The following CACNA1B variants were observed in gnomAD, a reference collection of about 807,000 sequenced individuals.
The protein encoded by CACNA1B is calcium voltage-gated channel subunit alpha1 B.
CACNA1B carries 70 observed loss-of-function variants against 247.2 expected under a neutral mutation model. The observed-to-expected ratio is 0.28, with a 90% confidence interval of 0.23 to 0.35. The LOEUF (loss-of-function observed/expected upper bound fraction) is 0.35, where lower values mean the gene tolerates loss of function less well. CACNA1B is among the 10% of genes least tolerant of loss of function. The probability of loss-of-function intolerance (pLI) is 1.00; values close to 1 mark genes in which losing one functional copy is unlikely to be tolerated. For synonymous variants in CACNA1B, 1,231 were observed against 1,294.4 expected (o/e 0.95, Z 1.05); for missense variants, 2,367 against 3,197.4 (o/e 0.74, Z 6.26).
chr9:138,056,336 A>G (rs1427451787), intron 26 of CACNA1B, among the ~76,000 whole-genome samples: 1 of 152,216 alleles, frequency 6.6e-6, no homozygotes, highest in Non-Finnish European at 1.5e-5. Context: ...ATGATACAAT[A>G]TGTGGTCTTT....
At chr9:138,097,152 T>C (rs910133668) in intron 37 of CACNA1B, among the ~76,000 whole-genome samples, 6 of 151,868 alleles carry the variant, frequency 4.0e-5, no homozygotes, top group African/African-American at 1.5e-4. Context: ...CTGCATATAG[T>C]GTGGGTGCTT....
chr9:138,093,975 G>A (rs1198209560), intron 36 of CACNA1B, among the ~76,000 whole-genome samples: 1 of 152,142 alleles, frequency 6.6e-6, no homozygotes, highest in African/African-American at 2.4e-5. Context: ...GTCCACACAT[G>A]CTCATAGCAG....
rs150496046 is a variant in CACNA1B at position 137,954,856 on chromosome 9, TTGTGTG to T, written c.1071-823_1071-818del. Among the ~76,000 whole-genome samples, 3 of 120,946 alleles carry T rather than the reference TTGTGTG, an allele frequency of 2.5e-5. 1 individual carries two copies. The highest frequency in any genetic ancestry group is 5.7e-4 in the South Asian group (2 of 3,488). 79.3% of individuals were successfully genotyped at this position (120,946 alleles called of 152,430 possible). A position where few individuals can be genotyped will look rare whatever the true frequency, so the allele number is the denominator to read the frequency against. ...ACACCCACTCCACCAACTCAGAAGC[TTGTGTG>T]TGTGTGTGTGTGTGTGTGAGAGAGA... On this transcript the variant is annotated intron_variant, in intron 7 of 46. Transcript: ENST00000371372. This position sits in a 1 kb window ranked among gnomAD's most constrained non-coding sequence, Gnocchi z 4.1.
chr9:137,939,182 A>G (rs933937776), intron 6 of CACNA1B, among the ~76,000 whole-genome samples: 2 of 152,200 alleles, frequency 1.3e-5, no homozygotes, highest in African/African-American at 2.4e-5. Context: ...GTCAACAAAG[A>G]AACAGTGAAT....
intron 20 of CACNA1B, chr9:138,040,772 G>A (rs1959110068): frequency 1.6e-5 from 3 of 183,222 alleles, no homozygotes; most frequent in African/African-American, 4.8e-5. Flanking sequence ...GCCTTCCGCA[G>A]CCCACTGACT....
At chr9:138,113,843 G>A (rs1451131118) in intron 40 of CACNA1B, among the ~76,000 whole-genome samples, 1 of 144,046 alleles carries the variant, frequency 6.9e-6, no homozygotes, top group African/African-American at 2.7e-5. Flanking sequence ...ACTCCATCTT[G>A]TGGGAGACGT....
rs572642401 is a variant in CACNA1B, at chr9:137,930,853, G to T, written c.966+13422G>T. Reference sequence around the variant, plus strand: ...TTATATACATGTTTCCCTGTGTCTCGGGTAATTTTGTTTTACTGGGAGGTT... The same window carrying T: ...TTATATACATGTTTCCCTGTGTCTCTGGTAATTTTGTTTTACTGGGAGGTT... On this transcript the variant is annotated intron_variant, in intron 6 of 46. Coordinates refer to ENST00000371372, the MANE Select transcript of CACNA1B (RefSeq NM_000718.4). Among the ~76,000 whole-genome samples, 752 of 151,754 alleles carry T rather than the reference G, an allele frequency of 5.0e-3. 5 individuals carry two copies. Among genetic ancestry groups the T allele is most frequent in the Non-Finnish European group, 7.6e-3 (518 of 67,938 alleles).
intron 6 of CACNA1B, among the ~76,000 whole-genome samples, chr9:137,923,372 A>G (rs1388403527): frequency 6.7e-6 from 1 of 149,442 alleles, no homozygotes; most frequent in African/African-American, 2.5e-5. Flanking sequence ...TCCAGGTGGT[A>G]TTCCGTGGCA....
chr9:138,044,635 A>G (rs1002700744), intron 21 of CACNA1B, among the ~76,000 whole-genome samples: 1 of 152,200 alleles, frequency 6.6e-6, no homozygotes, highest in Non-Finnish European at 1.5e-5. Flanking sequence ...GAGGAGGCAG[A>G]GGGAGAGGCA....
At chr9:137,879,368 G>A (rs1450164181) in intron 2 of CACNA1B, among the ~76,000 whole-genome samples, 1 of 152,254 alleles carries the variant, frequency 6.6e-6, no homozygotes, top group Admixed American at 6.5e-5. Flanking sequence ...GCGTGGCCAC[G>A]TTAGCCCTGG....
At chr9:138,041,329 C>G (rs1488048887) in intron 20 of CACNA1B, among the ~76,000 whole-genome samples, 1 of 152,162 alleles carries the variant, frequency 6.6e-6, no homozygotes. Context: ...CCATCGCATG[C>G]TGTTAGGGGG....
chr9:137,885,074 C>T (rs1389129603), intron 3 of CACNA1B, among the ~76,000 whole-genome samples: 2 of 146,760 alleles, frequency 1.4e-5, no homozygotes, highest in Non-Finnish European at 3.0e-5. Flanking sequence ...TTCTTCTGCC[C>T]CTCTTTCCCT....
At chr9:137,989,740 A>T (rs1958410531) in intron 15 of CACNA1B, among the ~76,000 whole-genome samples, 1 of 152,208 alleles carries the variant, frequency 6.6e-6, no homozygotes, top group Admixed American at 6.5e-5. Context: ...ACTTTCAGAC[A>T]CAAATAGGAG....
In CACNA1B at chr9:138,031,557, A is replaced by G. The variant is rs530916906; in HGVS notation, c.3286+6385A>G. On this transcript the variant is annotated intron_variant, in intron 20 of 46. Coordinates refer to ENST00000371372, the MANE Select transcript of CACNA1B (RefSeq NM_000718.4). ...GATGTTATTGAGTATCTTTGTCTAC[A>G]TTCGGATTTTCTGTCTAGATATGTC... Among the ~76,000 whole-genome samples the G allele has an allele frequency of 2.0e-5, 3 of 152,296 alleles. No individual in the cohort carries two copies. In the East Asian group the frequency reaches 5.8e-4, roughly 29 times the overall value.
chr9:138,084,558 C>T (rs563682508), intron 36 of CACNA1B, among the ~76,000 whole-genome samples: 11 of 151,374 alleles, frequency 7.3e-5, no homozygotes, highest in African/African-American at 2.2e-4. Context: ...TATGCCCTTC[C>T]CAGCTGGCAC....
At chr9:138,044,891 C>T (rs375302072) in intron 21 of CACNA1B, among the ~76,000 whole-genome samples, 2 of 152,204 alleles carry the variant, frequency 1.3e-5, no homozygotes, top group African/African-American at 2.4e-5. Context: ...TGCTACGCTG[C>T]GGTTAGGAGT....
In CACNA1B at chr9:138,053,672, TCCACCCCTTTCCTCATGGCC is replaced by T. The variant is rs1407900395; in HGVS notation, c.3808-167_3808-148del. On this transcript the variant is annotated intron_variant, in intron 25 of 46. Coordinates refer to ENST00000371372, the MANE Select transcript of CACNA1B (RefSeq NM_000718.4). ...CATGGCCCCACCCTCCCACCATGGC[TCCACCCCTTTCCTCATGGCC>T]CCACCCATTCCCTTACGGCCATGCC... Among the ~76,000 whole-genome samples the T allele has an allele frequency of 2.5e-5, 3 of 119,262 alleles. No individual in the cohort carries two copies. In the East Asian group the frequency reaches 7.9e-4, roughly 31 times the overall value. The allele number at this position is 119,262 out of a possible 152,430, so 78.2% of individuals were successfully genotyped here. A position where few individuals can be genotyped will look rare whatever the true frequency, so the allele number is the denominator to read the frequency against.
At chr9:137,892,647 G>A (rs1030522151) in intron 3 of CACNA1B, 4 of 342,276 alleles carry the variant, frequency 1.2e-5, no homozygotes, top group Non-Finnish European at 2.3e-5. Flanking sequence ...GCAGGCAGGA[G>A]GGACGTCCCC....
chr9:137,949,109 G>GC (rs1564203161), intron 6 of CACNA1B, among the ~76,000 whole-genome samples: 1 of 51,144 alleles, frequency 2.0e-5, no homozygotes. Flanking sequence ...TGTTTGTGGT[G>GC]GCTGTGTGTC....
Sources: allele counts gnomAD v4.1 joint callset (sites outside exome capture counted in the v4.1 genomes callset), GRCh38; gene constraint gnomAD v4.1.1; non-coding constraint Gnocchi (gnomAD v3.1); transcripts MANE v1.5; gene names NCBI Gene and HGNC (gene_info 2026-07-23, HGNC 2026-07-21).